GRIA1: variants seen among roughly 807,000 people sequenced by gnomAD.
GRIA1 encodes the protein glutamate receptor 1.
A neutral mutation model predicts 99.2 loss-of-function variants in GRIA1; 31 were observed. The ratio of observed to expected loss-of-function variants is 0.31; its 90% CI spans 0.23 to 0.42. GRIA1 has a LOEUF of 0.42. GRIA1 is among the 10% of genes least tolerant of loss of function. The probability of loss-of-function intolerance (pLI) is 1.00; values close to 1 mark genes in which losing one functional copy is unlikely to be tolerated. For synonymous variants in GRIA1, 438 were observed against 432.4 expected, an observed-to-expected ratio of 1.01 and a Z score of -0.16; for missense variants, 782 against 1,157.5, an observed-to-expected ratio of 0.68 and a Z score of 4.71.
intron 2 of GRIA1, among the ~76,000 whole-genome samples, chr5:153,507,350 C>A (rs1386968419): frequency 6.6e-6 from 1 of 152,018 alleles, no homozygotes; most frequent in Non-Finnish European, 1.5e-5. Context: ...GGGCTATGTT[C>A]TCCTCAACAC....
intron 2 of GRIA1, among the ~76,000 whole-genome samples, chr5:153,503,144 A>C (rs190433233): frequency 1.2e-3 from 177 of 152,274 alleles, no homozygotes; most frequent in African/African-American, 3.9e-3. Flanking sequence ...TTTCTTAAAA[A>C]CAGTGCTGTG....
intron 11 of GRIA1, 23 bp downstream of exon 11, chr5:153,706,090 C>T: frequency 1.1e-5 from 17 of 1,608,758 alleles, no homozygotes; most frequent in Non-Finnish European, 1.4e-5. Context: ...TTCTCAATCC[C>T]TTTGCCTAAT....
intron 11 of GRIA1, among the ~76,000 whole-genome samples, chr5:153,761,392 A>G (rs1763173019): frequency 2.0e-5 from 3 of 152,170 alleles, no homozygotes; most frequent in African/African-American, 7.2e-5. Context: ...AAGTATACAG[A>G]TGGCCAACAG....
chr5:153,550,285 C>G (rs1453581093), intron 2 of GRIA1, among the ~76,000 whole-genome samples: 1 of 151,760 alleles, frequency 6.6e-6, no homozygotes, highest in Admixed American at 6.6e-5. Context: ...ACACAGCTGT[C>G]CTAGAAGATC....
intron 2 of GRIA1, among the ~76,000 whole-genome samples, chr5:153,603,654 T>C (rs1487192595): frequency 6.6e-6 from 1 of 152,244 alleles, no homozygotes; most frequent in Admixed American, 6.5e-5. Context: ...TCTAGGACAC[T>C]CTGGAAAAGT....
intron 13 of GRIA1, among the ~76,000 whole-genome samples, chr5:153,778,192 A>AGT (rs61414750): frequency 0.065 from 2,416 of 37,308 alleles, 28 homozygotes; most frequent in Middle Eastern, 0.1. Context: ...AGAGAGAGAG[A>AGT]GTGTGTGTGT....
intron 2 of GRIA1, among the ~76,000 whole-genome samples, chr5:153,619,554 A>G (rs1766833088): frequency 6.6e-6 from 1 of 152,196 alleles, no homozygotes; most frequent in Non-Finnish European, 1.5e-5. Context: ...CGCTATCCAC[A>G]TAATGGAAGG....
intron 2 of GRIA1, among the ~76,000 whole-genome samples, chr5:153,621,674 TCTCCCAAAGCA>T (rs1182381801): frequency 6.6e-6 from 1 of 152,058 alleles, no homozygotes; most frequent in Non-Finnish European, 1.5e-5. Flanking sequence ...CCAGCCTGCC[TCTCCCAAAGCA>T]CTTTTTAAAA....
chr5:153,795,279 T>A (rs1765573856), intron 14 of GRIA1, among the ~76,000 whole-genome samples: 1 of 152,064 alleles, frequency 6.6e-6, no homozygotes, highest in Non-Finnish European at 1.5e-5. Flanking sequence ...CATCTTGCTA[T>A]ACTAGAGAAA....
chr5:153,569,536 G>A lies in GRIA1; in HGVS notation c.220+75471G>A, dbSNP rs535121572. Among the ~76,000 whole-genome samples, 12 of 152,348 alleles carry A rather than the reference G, an allele frequency of 7.9e-5. No individual in the cohort carries two copies. In the South Asian group the frequency reaches 1.0e-3, roughly 13 times the overall value. ...GCAGCTGTATGGGGCAAAAAGCCCC[G>A]ATTGAGCCTGGCCCGCCTGAACCTG... On this transcript the variant is annotated intron_variant, in intron 2 of 15. Coordinates refer to ENST00000285900, the MANE Select transcript of GRIA1 (RefSeq NM_000827.4).
intron 2 of GRIA1, among the ~76,000 whole-genome samples, chr5:153,511,309 A>T (rs1273843254): frequency 1.3e-5 from 2 of 152,166 alleles, no homozygotes; most frequent in African/African-American, 4.8e-5. Context: ...TGTAGAGGTG[A>T]AGTAAAGGCA....
At chr5:153,559,588 G>T (rs941263881) in intron 2 of GRIA1, among the ~76,000 whole-genome samples, 1 of 152,136 alleles carries the variant, frequency 6.6e-6, no homozygotes, top group Non-Finnish European at 1.5e-5. Flanking sequence ...CACTGTACAT[G>T]ACTGTATGTG....
intron 13 of GRIA1, among the ~76,000 whole-genome samples, chr5:153,777,520 A>G (rs1226790230): frequency 1.3e-5 from 2 of 152,204 alleles, no homozygotes; most frequent in Non-Finnish European, 2.9e-5. Flanking sequence ...CTGATGAAAT[A>G]GCATGAAGTG....
At chr5:153,567,720 G>C (rs1174722416) in intron 2 of GRIA1, among the ~76,000 whole-genome samples, 2 of 152,188 alleles carry the variant, frequency 1.3e-5, no homozygotes, top group Non-Finnish European at 2.9e-5. Context: ...TGGAGCAAAA[G>C]CATTCAAGAT....
intron 3 of GRIA1, among the ~76,000 whole-genome samples, chr5:153,648,871 A>G (rs1477247040): frequency 6.6e-6 from 1 of 150,606 alleles, no homozygotes; most frequent in Admixed American, 6.6e-5. Context: ...TGCAATCGCT[A>G]GAACCTGCAA....
At chr5:153,517,326 C>T (rs1468600705) in intron 2 of GRIA1, among the ~76,000 whole-genome samples, 1 of 152,182 alleles carries the variant, frequency 6.6e-6, no homozygotes, top group Admixed American at 6.5e-5. Flanking sequence ...ACTGGTCCCT[C>T]TCTTAATACC....
At chr5:153,669,564 A>G (rs1490133408) in intron 5 of GRIA1, among the ~76,000 whole-genome samples, 2 of 152,212 alleles carry the variant, frequency 1.3e-5, no homozygotes, top group African/African-American at 2.4e-5. Flanking sequence ...CTAATGGATG[A>G]TATCTAAGAT....
At chr5:153,724,097 C>G (rs1337827745) in intron 11 of GRIA1, among the ~76,000 whole-genome samples, 1 of 152,220 alleles carries the variant, frequency 6.6e-6, no homozygotes, top group Non-Finnish European at 1.5e-5. Flanking sequence ...CGAAAATCCG[C>G]GGTTCTGCAG....
chr5:153,671,246 A>G (rs1756149025), intron 5 of GRIA1, among the ~76,000 whole-genome samples: 2 of 152,152 alleles, frequency 1.3e-5, no homozygotes, highest in African/African-American at 2.4e-5. Context: ...GGCCTCCATT[A>G]TGTCTGAGAT....
Sources: gnomAD v4.1 joint callset for allele counts (sites outside exome capture counted in the v4.1 genomes callset) on GRCh38, gnomAD v4.1.1 for gene constraint, MANE v1.5 for transcripts, NCBI Gene and HGNC (gene_info 2026-07-23, HGNC 2026-07-21) for gene names.